Variants in DHX15 observed in about 807,000 individuals in gnomAD.
DHX15 encodes ATP-dependent RNA helicase DHX15.
Under a neutral mutation model 94.4 loss-of-function variants are expected in DHX15, and 11 were observed. The observed-to-expected ratio is 0.12, with a 90% confidence interval of 0.07 to 0.19. DHX15 has a LOEUF of 0.19. Among genes scored for constraint, DHX15 ranks in the 10% least tolerant of loss-of-function variants. The probability of loss-of-function intolerance (pLI) is 1.00; values close to 1 mark genes in which losing one functional copy is unlikely to be tolerated. For missense variants in DHX15, 304 were observed against 988.5 expected (o/e 0.31, Z 9.29); for synonymous variants, 338 against 329.9 (o/e 1.02, Z -0.27).
chr4:24,560,556 T>C lies in DHX15; in HGVS notation c.702-4146A>G, dbSNP rs550745229. Among the ~76,000 whole-genome samples the C allele has an allele frequency of 3.3e-5, 5 of 152,226 alleles. No individual in the cohort carries two copies. In the East Asian group the frequency reaches 7.7e-4, roughly 24 times the overall value. The stretch of plus-strand genomic sequence containing the variant: ...AAATGTATGACAAACTGAGCAAAAA[T>C]TGCAACTTATATCCAAGGTGCTAAT... On this transcript the variant is annotated intron_variant, in intron 3 of 13. Coordinates refer to ENST00000336812, the MANE Select transcript of DHX15 (RefSeq NM_001358.3).
intron 3 of DHX15, among the ~76,000 whole-genome samples, chr4:24,561,007 A>G (rs1721863025): frequency 1.3e-5 from 2 of 152,210 alleles, no homozygotes; most frequent in Admixed American, 6.5e-5. Context: ...AAAAATCTCT[A>G]TGGAGGGCAA....
Position 24,584,318 on chromosome 4 carries a change from C to T in DHX15, c.71+5G>A. ...CTGCCGCCTCGCGCCCCCGGCCTGG[C>T]TTACCCATCGGTCCCCGCACGCTTC... On this transcript the variant is annotated splice_donor_5th_base_variant and intron_variant, in intron 1 of 13. Coordinates refer to ENST00000336812, the MANE Select transcript of DHX15 (RefSeq NM_001358.3). 3.1e-6 allele frequency: 5 copies of T among 1,611,488 alleles called. No homozygotes were observed. The highest frequency in any genetic ancestry group is 1.7e-4 in the Middle Eastern group (1 of 6,056).
intron 3 of DHX15, among the ~76,000 whole-genome samples, chr4:24,560,473 A>C (rs1427197032): frequency 1.3e-5 from 2 of 152,166 alleles, no homozygotes; most frequent in African/African-American, 2.4e-5. Flanking sequence ...AAAGTGGTTA[A>C]TTCAATACGT....
intron 12 of DHX15, among the ~76,000 whole-genome samples, chr4:24,531,635 C>T (rs778264118): frequency 6.6e-6 from 1 of 152,014 alleles, no homozygotes; most frequent in Non-Finnish European, 1.5e-5. Context: ...GGAGGATCAC[C>T]AGAGCCCAGG....
At chr4:24,571,190 T>C (rs1577349246) in intron 2 of DHX15, among the ~76,000 whole-genome samples, 1 of 152,244 alleles carries the variant, frequency 6.6e-6, no homozygotes, top group African/African-American at 2.4e-5. Flanking sequence ...AGTGTAACTT[T>C]TAAATTCTTA....
intron 3 of DHX15, among the ~76,000 whole-genome samples, chr4:24,558,213 C>A (rs1056730998): frequency 2.4e-4 from 37 of 152,220 alleles, no homozygotes; most frequent in African/African-American, 8.9e-4. Flanking sequence ...AGATCGAGTT[C>A]AAGCATTCAC....
At position 24,537,851 on chromosome 4, in the gene DHX15, A is replaced by C. The variant is rs1721227136; in HGVS notation, c.1787-678T>G. 6.6e-6 allele frequency: 1 copy of C among 152,218 alleles called. No individual in the cohort carries two copies. Among genetic ancestry groups the C allele is most frequent in the Non-Finnish European group, 1.5e-5 (1 of 68,018 alleles). 9.4% of individuals were successfully genotyped at this position (152,218 alleles called of 1,614,324 possible). A position where few individuals can be genotyped will look rare whatever the true frequency, so the allele number is the denominator to read the frequency against. ...GCTGGGATATTCAGCCTAGTGTTTCAGCATTTTAACAAAAGGATTAGAAAA... is the reference window on the plus strand; with the variant it reads ...GCTGGGATATTCAGCCTAGTGTTTCCGCATTTTAACAAAAGGATTAGAAAA... On this transcript the variant is annotated intron_variant, in intron 10 of 13. Transcript: ENST00000336812. The surrounding 1 kb of genome is among the most constrained non-coding windows in gnomAD (Gnocchi z 4.7).
At chr4:24,530,412 T>C (rs1413283740) in intron 12 of DHX15, 2 of 152,360 alleles carry the variant, frequency 1.3e-5, no homozygotes, top group African/African-American at 4.8e-5. Context: ...ACCTCATCTC[T>C]ACTAAAAGTA....
At chr4:24,581,258 G>GACCT (rs1560778322) in intron 1 of DHX15, among the ~76,000 whole-genome samples, 2 of 151,964 alleles carry the variant, frequency 1.3e-5, no homozygotes, top group African/African-American at 2.4e-5. Flanking sequence ...TTGATCTCCT[G>GACCT]ACCTCGTGAT....
rs746976218 is a variant in DHX15, at chr4:24,576,438, T to C, written c.312A>G (p.Gly104=). 4.3e-6 allele frequency: 7 copies of C among 1,614,084 alleles called. No individual in the cohort carries two copies. Among genetic ancestry groups the C allele is most frequent in the Non-Finnish European group, 5.1e-6 (6 of 1,180,036 alleles). ...GTGGAAGTGACGTGTGACCTGCATGTCCGGCATGCGTTGAATGAGCAGAAT... is the reference window on the plus strand; with the variant it reads ...GTGGAAGTGACGTGTGACCTGCATGCCCGGCATGCGTTGAATGAGCAGAAT... ...STHSAHSTHA[G]HAGHTSLPQC... The change falls in exon 2 of 14, where the codon GGA becomes GGG. Residue 104 remains glycine, a synonymous_variant. Transcript: ENST00000336812.
At chr4:24,550,833 T>C (rs756754938) in intron 5 of DHX15, among the ~76,000 whole-genome samples, 4 of 152,240 alleles carry the variant, frequency 2.6e-5, no homozygotes, top group East Asian at 1.9e-4. Flanking sequence ...ATTATTATTA[T>C]GTACTGGACA....
intron 13 of DHX15, 74 bp downstream of exon 13, chr4:24,529,527 G>A: frequency 7.6e-7 from 1 of 1,314,014 alleles, no homozygotes; most frequent in Non-Finnish European, 1.1e-6. Flanking sequence ...GCAAGGCCAT[G>A]ACTCTAGCAA....
chr4:24,569,755 T>C (rs1722081073), intron 3 of DHX15, among the ~76,000 whole-genome samples: 1 of 152,072 alleles, frequency 6.6e-6, no homozygotes, highest in African/African-American at 2.4e-5. Flanking sequence ...ATCACATAGA[T>C]ATGATTTTTC....
At chr4:24,580,540 C>T (rs1425280760) in intron 1 of DHX15, among the ~76,000 whole-genome samples, 10 of 148,886 alleles carry the variant, frequency 6.7e-5, no homozygotes, top group Non-Finnish European at 1.0e-4. Context: ...AGACAGTCTA[C>T]CTCTGTTACC....
At chr4:24,538,917 T>C (rs1721252914) in intron 10 of DHX15, 1 of 152,132 alleles carries the variant, frequency 6.6e-6, no homozygotes, top group Admixed American at 6.5e-5. Context: ...ACACAATCCA[T>C]TAGTTCTTGC....
chr4:24,545,795 T>C (rs147887819), intron 6 of DHX15, among the ~76,000 whole-genome samples: 6 of 152,314 alleles, frequency 3.9e-5, no homozygotes, highest in Admixed American at 6.5e-5. Context: ...ATTTACATTA[T>C]GACCAGTAAG....
At chr4:24,564,907 G>C (rs759372861) in intron 3 of DHX15, among the ~76,000 whole-genome samples, 1 of 152,186 alleles carries the variant, frequency 6.6e-6, no homozygotes, top group Non-Finnish European at 1.5e-5. Context: ...GACTCTTAAA[G>C]AGAGCTGAAA....
intron 4 of DHX15, 96 bp from the exon 5 acceptor site, chr4:24,555,039 T>G: frequency 1.2e-6 from 1 of 842,038 alleles, no homozygotes; most frequent in Non-Finnish European, 1.8e-6. Flanking sequence ...ATATCAGCTA[T>G]AAAAATGCCC....
intron 3 of DHX15, among the ~76,000 whole-genome samples, chr4:24,566,106 C>G (rs898824020): frequency 6.6e-6 from 1 of 151,268 alleles, no homozygotes. Flanking sequence ...CGCAGTGACA[C>G]AATCCTAGCT....
Sources: gnomAD v4.1 joint callset for allele counts (sites outside exome capture counted in the v4.1 genomes callset) on GRCh38, gnomAD v4.1.1 for gene constraint, Gnocchi (gnomAD v3.1) non-coding constraint, MANE v1.5 for transcripts, NCBI Gene and HGNC (gene_info 2026-07-23, HGNC 2026-07-21) for gene names.